Variants in EPB41L1 observed in about 807,000 individuals in gnomAD.
EPB41L1 encodes the protein band 4.1-like protein 1.
Under a neutral mutation model 97.8 loss-of-function variants are expected in EPB41L1, and 29 were observed. That is an observed-to-expected ratio of 0.30 (90% CI 0.22 to 0.40). EPB41L1 has a LOEUF of 0.40. Among genes scored for constraint, EPB41L1 ranks in the 10% least tolerant of loss-of-function variants. The pLI, the probability that EPB41L1 is intolerant of heterozygous loss-of-function variation, is 1.00. For missense variants in EPB41L1, 812 were observed against 1,162.3 expected (o/e 0.70, Z 4.38); for synonymous variants, 383 against 459.2 (o/e 0.83, Z 2.12).
chr20:36,113,808 G>A lies in EPB41L1; in HGVS notation c.-10+1328G>A, dbSNP rs559182975. 4 of 152,702 alleles carry A rather than the reference G, an allele frequency of 2.6e-5. No individual in the cohort carries two copies. The East Asian group carries it at 5.8e-4, about 22-fold the overall frequency. The allele number at this position is 152,702 out of a possible 1,614,324, so 9.5% of individuals were successfully genotyped here. On this transcript the variant is annotated intron_variant, in intron 2 of 19. Coordinates refer to the EPB41L1 transcript ENST00000202028. ...GAGATGCGGAGCTCAAGGTATGTGCGCATAGGGAAGGTGGGGCTCCGTTAA... is the reference window on the plus strand; with the variant it reads ...GAGATGCGGAGCTCAAGGTATGTGCACATAGGGAAGGTGGGGCTCCGTTAA...
At chr20:36,178,420 C>T (rs6058432) in intron 4 of EPB41L1, among the ~76,000 whole-genome samples, 12,832 of 152,086 alleles carry the variant, frequency 0.084, 1,350 homozygotes, top group African/African-American at 0.24. Context: ...GCAGTGGCAG[C>T]TCCGGGCACT....
intron 7 of EPB41L1, 84 bp from the exon 8 acceptor site, chr20:36,187,592 G>A (rs1322066700): frequency 9.3e-7 from 1 of 1,075,792 alleles, no homozygotes; most frequent in Non-Finnish European, 1.4e-6. Flanking sequence ...TAGAATCATG[G>A]GTTCTGATGG....
intron 14 of EPB41L1, among the ~76,000 whole-genome samples, chr20:36,201,867 C>T (rs367719276): frequency 2.0e-5 from 3 of 152,120 alleles, no homozygotes; most frequent in Admixed American, 6.5e-5. Flanking sequence ...CAATATCTGC[C>T]GCTCCCCTGT....
Position 36,101,390 on chromosome 20 carries a change from C to T in EPB41L1, c.-65+9778C>T, listed in dbSNP as rs377726543. Among the ~76,000 whole-genome samples the T allele has an allele frequency of 3.3e-4, 50 of 152,278 alleles. No homozygotes were observed. The East Asian group carries it at 9.5e-3, about 29-fold the overall frequency. On this transcript the variant is annotated intron_variant, in intron 1 of 19. Coordinates refer to the EPB41L1 transcript ENST00000202028. ...GACTGTCACTCAGGAATCTGGGCAG[C>T]TGCAGTCAGCTTGTTGAGCCTCCAC...
chr20:36,144,028 T>C (rs1734525658), intron 2 of EPB41L1, among the ~76,000 whole-genome samples: 1 of 152,010 alleles, frequency 6.6e-6, no homozygotes. Flanking sequence ...AATTTTTGTA[T>C]TTTTAGTAGA....
At position 36,190,825 on chromosome 20, in the gene EPB41L1, G is replaced by A; in HGVS notation, c.1300+28G>A. On this transcript the variant is annotated intron_variant, in intron 11 of 21. Coordinates refer to ENST00000338074, the MANE Select transcript of EPB41L1 (RefSeq NM_012156.2). The surrounding 1 kb of genome is among the most constrained non-coding windows in gnomAD (Gnocchi z 5.8). ...ATGGCCCAAATTGGAGGGCTGGGCGGGGAATGGTCTTCAGAGGGAACTGGG... is the reference window on the plus strand; with the variant it reads ...ATGGCCCAAATTGGAGGGCTGGGCGAGGAATGGTCTTCAGAGGGAACTGGG... 2 of 1,610,996 alleles carry A rather than the reference G, an allele frequency of 1.2e-6. No individual in the cohort carries two copies. Among genetic ancestry groups the A allele is most frequent in the South Asian group, 2.2e-5 (2 of 90,990 alleles).
chr20:36,213,368 G>T (rs1447192915), intron 16 of EPB41L1, among the ~76,000 whole-genome samples: 2 of 152,104 alleles, frequency 1.3e-5, no homozygotes, highest in African/African-American at 2.4e-5. Flanking sequence ...TTCCACCACT[G>T]CATTCCAGCT....
At chr20:36,108,987 A>G (rs2147567322) in intron 1 of EPB41L1, among the ~76,000 whole-genome samples, 1 of 149,462 alleles carries the variant, frequency 6.7e-6, no homozygotes, top group South Asian at 2.1e-4. Context: ...TCTGTTGCCC[A>G]GACTGGAGTG....
At chr20:36,219,453 G>A (rs1232014628) in intron 18 of EPB41L1, among the ~76,000 whole-genome samples, 1 of 152,180 alleles carries the variant, frequency 6.6e-6, no homozygotes, top group Non-Finnish European at 1.5e-5. Flanking sequence ...GGCATCAGGA[G>A]GGCTGTGTTT....
chr20:36,219,672 C>A, intron 18 of EPB41L1, 89 bp from the exon 19 acceptor site: 1 of 1,101,838 alleles, frequency 9.1e-7, no homozygotes, highest in Non-Finnish European at 1.4e-6. Context: ...GTCACCTTCA[C>A]AGAGCCCTTT....
intron 1 of EPB41L1, chr20:36,110,900 T>G (rs1383419058): frequency 6.6e-6 from 1 of 152,194 alleles, no homozygotes; most frequent in Non-Finnish European, 1.5e-5. Flanking sequence ...GAATGGTATG[T>G]GTACAACCTA....
chr20:36,102,623 T>C (rs1346172360), intron 1 of EPB41L1, among the ~76,000 whole-genome samples: 1 of 152,200 alleles, frequency 6.6e-6, no homozygotes, highest in Non-Finnish European at 1.5e-5. Flanking sequence ...TGCTGCCCAG[T>C]CCAAGTTCTT....
chr20:36,189,035 A>G (rs1197149682), intron 9 of EPB41L1, among the ~76,000 whole-genome samples: 1 of 152,216 alleles, frequency 6.6e-6, no homozygotes, highest in Admixed American at 6.5e-5. Context: ...ACTCGACTAT[A>G]CATACAACAC....
chr20:36,107,927 T>G (rs6060799), intron 1 of EPB41L1, among the ~76,000 whole-genome samples: 8,790 of 152,154 alleles, frequency 0.058, 349 homozygotes, highest in African/African-American at 0.11. Flanking sequence ...ACACACTGGA[T>G]TTAGAAGAGG....
intron 11 of EPB41L1, among the ~76,000 whole-genome samples, chr20:36,192,854 G>A (rs1316014922): frequency 6.6e-6 from 1 of 152,214 alleles, no homozygotes. Context: ...AAATGGCTCT[G>A]CAGAAAGGGT....
Position 36,207,839 on chromosome 20 carries a change from G to C in EPB41L1, c.1669-1649G>C. On this transcript the variant is annotated intron_variant, in intron 14 of 21. Coordinates refer to ENST00000338074, the MANE Select transcript of EPB41L1 (RefSeq NM_012156.2). The surrounding 1 kb of genome is among the most constrained non-coding windows in gnomAD (Gnocchi z 4.9). ...TGCTCCCCGCCCATGGGGGCTGGCCGCATGCTCTGTAGTTTTTAGAAGCAT... is the reference window on the plus strand; with the variant it reads ...TGCTCCCCGCCCATGGGGGCTGGCCCCATGCTCTGTAGTTTTTAGAAGCAT... 3.2e-6 allele frequency: 4 copies of C among 1,242,450 alleles called. No homozygotes were observed. In the Middle Eastern group the frequency reaches 9.2e-4, roughly 285 times the overall value. 77.0% of individuals were successfully genotyped at this position (1,242,450 alleles called of 1,614,324 possible).
intron 2 of EPB41L1, among the ~76,000 whole-genome samples, chr20:36,117,256 G>T (rs1465931053): frequency 6.6e-6 from 1 of 152,178 alleles, no homozygotes; most frequent in Non-Finnish European, 1.5e-5. Context: ...AGCTGGAGGG[G>T]TGTCTCTGGG....
intron 14 of EPB41L1, among the ~76,000 whole-genome samples, chr20:36,204,959 C>T (rs911168477): frequency 4.6e-5 from 7 of 152,138 alleles, no homozygotes; most frequent in Admixed American, 3.9e-4. Flanking sequence ...CTTTGATGCA[C>T]GATGATGCTT....
Position 36,195,152 on chromosome 20 carries a change from G to C in EPB41L1, c.1450-177G>C, listed in dbSNP as rs1385204195. 6.6e-6 allele frequency among the ~76,000 whole-genome samples: 1 copy of C among 152,132 alleles called. No homozygotes were observed. Among genetic ancestry groups the C allele is most frequent in the East Asian group, 1.9e-4 (1 of 5,180 alleles). Reference sequence around the variant, plus strand: ...TGGGACAGCACCCTGCTTCACACCTGTACCTTCTTCTGACTACCTCACTGC... The same window carrying C: ...TGGGACAGCACCCTGCTTCACACCTCTACCTTCTTCTGACTACCTCACTGC... On this transcript the variant is annotated intron_variant, in intron 12 of 21. Coordinates refer to ENST00000338074, the MANE Select transcript of EPB41L1 (RefSeq NM_012156.2). The surrounding 1 kb of genome is among the most constrained non-coding windows in gnomAD (Gnocchi z 4.6).
Sources: allele counts gnomAD v4.1 joint callset (sites outside exome capture counted in the v4.1 genomes callset), GRCh38; gene constraint gnomAD v4.1.1; non-coding constraint Gnocchi (gnomAD v3.1); transcripts MANE v1.5; gene names NCBI Gene and HGNC (gene_info 2026-07-23, HGNC 2026-07-21).